DIPK1A: variants seen among roughly 807,000 people sequenced by gnomAD.
DIPK1A encodes the protein divergent protein kinase domain 1A, also known as family with sequence similarity 69 member A.
Under a neutral mutation model 40.8 loss-of-function variants are expected in DIPK1A, and 27 were observed. The ratio of observed to expected loss-of-function variants is 0.66; its 90% CI spans 0.49 to 0.91. The LOEUF (loss-of-function observed/expected upper bound fraction) is 0.91, where lower values mean the gene tolerates loss of function less well. Among genes scored for constraint, DIPK1A ranks in the 40% least tolerant of loss-of-function variants. The probability of loss-of-function intolerance (pLI) is 0.00; values close to 1 mark genes in which losing one functional copy is unlikely to be tolerated. For missense variants in DIPK1A, 412 were observed against 505.7 expected (o/e 0.81, Z 1.78); for synonymous variants, 166 against 171.3 (o/e 0.97, Z 0.24).
chr1:92,882,787 T>C (rs1401923995), intron 1 of DIPK1A, among the ~76,000 whole-genome samples: 2 of 152,216 alleles, frequency 1.3e-5, no homozygotes, highest in African/African-American at 4.8e-5. Flanking sequence ...CCACATAATA[T>C]GGAGCTGCAT....
rs190725000 is a variant in DIPK1A at position 92,833,840 on chromosome 1, C to T, written c.475-806G>A. On this transcript the variant is annotated intron_variant, in intron 4 of 4. Transcript: ENST00000615519. ...TGGGAACTTGGTACTTTAAAAAATGCTCTTGGTTGCGCTCATGCCTGTAAT... is the reference window on the plus strand; with the variant it reads ...TGGGAACTTGGTACTTTAAAAAATGTTCTTGGTTGCGCTCATGCCTGTAAT... 3.8e-5 allele frequency: 23 copies of T among 608,418 alleles called. No individual in the cohort carries two copies. The Admixed American group carries it at 6.1e-4, about 16-fold the overall frequency. 37.7% of individuals were successfully genotyped at this position (608,418 alleles called of 1,614,324 possible).
intron 1 of DIPK1A, among the ~76,000 whole-genome samples, chr1:92,890,991 A>C (rs138462520): frequency 0.02 from 3,085 of 152,238 alleles, 49 homozygotes; most frequent in Non-Finnish European, 0.031. Flanking sequence ...ATTCAATCTC[A>C]TTACTTGTAA....
chr1:92,917,526 G>C (rs902244252), intron 1 of DIPK1A, among the ~76,000 whole-genome samples: 1 of 152,156 alleles, frequency 6.6e-6, no homozygotes, highest in Non-Finnish European at 1.5e-5. Context: ...GCAAATGCTC[G>C]TTGTCAAACT....
chr1:92,928,568 C>G (rs6604029), intron 1 of DIPK1A, among the ~76,000 whole-genome samples: 53,180 of 152,036 alleles, frequency 0.35, 9,748 homozygotes, highest in African/African-American at 0.38. Context: ...ACTTATTTTA[C>G]CATTTCTTAT....
At chr1:92,898,697 G>C (rs1427299726) in intron 1 of DIPK1A, among the ~76,000 whole-genome samples, 1 of 151,914 alleles carries the variant, frequency 6.6e-6, no homozygotes, top group African/African-American at 2.4e-5. Flanking sequence ...TGCCCAGGCT[G>C]GTTTCAAACT....
At chr1:92,872,998 T>C (rs952898352) in intron 2 of DIPK1A, among the ~76,000 whole-genome samples, 1 of 152,338 alleles carries the variant, frequency 6.6e-6, no homozygotes, top group Admixed American at 6.5e-5. Context: ...TCTGCTGATT[T>C]CTTGTCCCCA....
At chr1:92,845,562 G>A (rs1687573828) in intron 4 of DIPK1A, 1 of 325,782 alleles carries the variant, frequency 3.1e-6, no homozygotes. Flanking sequence ...AAAAATGCTG[G>A]ATGCGGTGGC....
intron 4 of DIPK1A, 148 bp downstream of exon 4, chr1:92,847,035 C>T (rs12062315): frequency 0.23 from 109,507 of 466,914 alleles, 14,165 homozygotes; most frequent in Non-Finnish European, 0.26. Context: ...TGAGCCACCA[C>T]GCCCGGCCTC....
intron 1 of DIPK1A, among the ~76,000 whole-genome samples, chr1:92,897,203 T>C (rs1488767644): frequency 6.6e-6 from 1 of 152,128 alleles, no homozygotes; most frequent in Non-Finnish European, 1.5e-5. Flanking sequence ...GACACATGCA[T>C]ATGTATGTTT....
At chr1:92,947,646 T>C (rs1271279864) in intron 1 of DIPK1A, among the ~76,000 whole-genome samples, 1 of 152,256 alleles carries the variant, frequency 6.6e-6, no homozygotes, top group African/African-American at 2.4e-5. Flanking sequence ...TGTACTTCCA[T>C]GTTTACTGCA....
chr1:92,938,117 C>T (rs1263290290), intron 1 of DIPK1A, among the ~76,000 whole-genome samples: 1 of 151,872 alleles, frequency 6.6e-6, no homozygotes, highest in African/African-American at 2.4e-5. Flanking sequence ...ACAATACATA[C>T]AAAAATTAGC....
intron 1 of DIPK1A, among the ~76,000 whole-genome samples, chr1:92,911,585 T>A (rs187299638): frequency 2.0e-5 from 3 of 152,332 alleles, no homozygotes; most frequent in Non-Finnish European, 4.4e-5. Flanking sequence ...ACATCTGAGC[T>A]GATTCCACTT....
intron 1 of DIPK1A, among the ~76,000 whole-genome samples, chr1:92,927,219 G>C (rs928689499): frequency 8.5e-5 from 13 of 152,094 alleles, no homozygotes; most frequent in Admixed American, 6.6e-4. Flanking sequence ...GTCTTGCTTT[G>C]TCACCTATGA....
intron 1 of DIPK1A, among the ~76,000 whole-genome samples, chr1:92,940,386 C>T (rs1381732249): frequency 6.6e-6 from 1 of 152,220 alleles, no homozygotes; most frequent in East Asian, 1.9e-4. Flanking sequence ...ATAACATCAT[C>T]TTAACATAGT....
At chr1:92,873,486 G>T (rs1571078607) in intron 2 of DIPK1A, among the ~76,000 whole-genome samples, 1 of 151,850 alleles carries the variant, frequency 6.6e-6, no homozygotes, top group Non-Finnish European at 1.5e-5. Flanking sequence ...GTGGTGGTGG[G>T]TACCTGTAGT....
intron 4 of DIPK1A, among the ~76,000 whole-genome samples, chr1:92,845,901 A>T (rs1031549753): frequency 2.0e-5 from 3 of 151,930 alleles, no homozygotes; most frequent in African/African-American, 7.3e-5. Flanking sequence ...GGGCTGAGGC[A>T]GGAGGATGGC....
At chr1:92,872,602 A>G (rs1323185982) in intron 2 of DIPK1A, among the ~76,000 whole-genome samples, 2 of 151,922 alleles carry the variant, frequency 1.3e-5, no homozygotes, top group African/African-American at 4.8e-5. Context: ...CATTCTTTGT[A>G]CTTTTTTACA....
At chr1:92,944,027 C>T (rs753977691) in intron 1 of DIPK1A, among the ~76,000 whole-genome samples, 3 of 151,960 alleles carry the variant, frequency 2.0e-5, no homozygotes, top group Non-Finnish European at 4.4e-5. Flanking sequence ...GGTGCATCCA[C>T]ATAAACTATG....
chr1:92,902,939 G>C (rs2893225), intron 1 of DIPK1A, among the ~76,000 whole-genome samples: 88,843 of 151,740 alleles, frequency 0.59, 27,268 homozygotes, highest in East Asian at 0.94. Flanking sequence ...GTCACTTGGA[G>C]CGTGCCTGAG....
Sources: gnomAD v4.1 joint callset for allele counts (sites outside exome capture counted in the v4.1 genomes callset) on GRCh38, gnomAD v4.1.1 for gene constraint, MANE v1.5 for transcripts, NCBI Gene and HGNC (gene_info 2026-07-23, HGNC 2026-07-21) for gene names.